Variants in CXorf58 observed in about 807,000 individuals in gnomAD.
The protein encoded by CXorf58 is chromosome X open reading frame 58.
In CXorf58, 24 loss-of-function variants were observed where a neutral mutation model predicts 26.0. The ratio of observed to expected loss-of-function variants is 0.92; its 90% confidence interval spans 0.67 to 1.30. The LOEUF (loss-of-function observed/expected upper bound fraction) is 1.30. CXorf58 is among the 50% of genes most tolerant of loss of function. CXorf58 has a pLI of 0.00. For synonymous variants in CXorf58, 87 were observed against 86.1 expected, an observed-to-expected ratio of 1.01 and a Z score of -0.06; for missense variants, 236 against 263.9, an observed-to-expected ratio of 0.89 and a Z score of 0.73.
chrX:23,912,722 C>T (rs1927616278), intron 3 of CXorf58, among the ~76,000 whole-genome samples: 1 of 111,315 alleles, frequency 9.0e-6, no homozygotes, highest in African/African-American at 3.3e-5. Context: ...CCAGCCTGGG[C>T]GACAGTGAGA....
intron 7 of CXorf58, among the ~76,000 whole-genome samples, chrX:23,938,233 G>T (rs1450578201): frequency 1.8e-5 from 2 of 111,399 alleles, no homozygotes; most frequent in Non-Finnish European, 3.8e-5. Context: ...AAAAAAATAA[G>T]ATTCAAATGG....
At chrX:23,921,685 TTTGTTG>T (rs1158633856) in intron 5 of CXorf58, among the ~76,000 whole-genome samples, 3 of 111,218 alleles carry the variant, frequency 2.7e-5, no homozygotes, top group Admixed American at 9.7e-5. Flanking sequence ...GTTTTTGTTT[TTTGTTG>T]TTGTTGTTGT....
chrX:23,930,433 G>A (rs938064764), intron 6 of CXorf58, among the ~76,000 whole-genome samples: 2 of 107,572 alleles, frequency 1.9e-5, no homozygotes, highest in Middle Eastern at 9.5e-3. Context: ...TTTGAGACCA[G>A]CCTGGGCAAT....
chrX:23,920,350 C>T (rs1490257283), intron 5 of CXorf58, among the ~76,000 whole-genome samples: 1 of 112,345 alleles, frequency 8.9e-6, no homozygotes, highest in Non-Finnish European at 1.9e-5. Context: ...TTATAAACCA[C>T]ATATCAAAGG....
chrX:23,910,779 T>TTTTTTTG (rs1927556876), intron 2 of CXorf58, among the ~76,000 whole-genome samples: 1 of 96,829 alleles, frequency 1.0e-5, no homozygotes, highest in Non-Finnish European at 2.1e-5. Context: ...TTTTTTTTTT[T>TTTTTTTG]TTTTCAGACA....
Position 23,911,939 on chromosome X carries a change from C to T in CXorf58, c.216+83C>T, listed in dbSNP as rs1430871949. ...ATTAATTAAAGATCGAATAGATAAC[C>T]TTCTTTATCTCCTCTTTTTTTTTTT... On this transcript the variant is annotated intron_variant, in intron 3 of 8. Transcript: ENST00000379211. 4.6e-6 allele frequency: 3 copies of T among 646,651 alleles called. No individual in the cohort carries two copies. In the African/African-American group the frequency reaches 7.4e-5, roughly 16 times the overall value. The allele number at this position is 646,651 out of a possible 1,213,427, so 53.3% of individuals were successfully genotyped here. A position where few individuals can be genotyped will look rare whatever the true frequency, so the allele number is the denominator to read the frequency against.
chrX:23,914,365 C>T (rs1402261022), intron 3 of CXorf58, among the ~76,000 whole-genome samples: 1 of 111,587 alleles, frequency 9.0e-6, no homozygotes, highest in African/African-American at 3.3e-5. Context: ...GGATTATAGG[C>T]GTGAGCCGCA....
rs1406466482 is a variant in CXorf58 at position 23,935,393 on chromosome X, T to C, written c.753T>C (p.His251=). 11 of 1,206,092 alleles carry C rather than the reference T, an allele frequency of 9.1e-6. No individual in the cohort carries two copies. Among genetic ancestry groups the C allele is most frequent in the Non-Finnish European group, 1.2e-5 (11 of 890,324 alleles). The change falls in exon 7 of 9, where the codon CAT becomes CAC. Residue 251 remains histidine (H), a synonymous_variant. Coordinates refer to ENST00000379211, the MANE Select transcript of CXorf58 (RefSeq NM_152761.3). ...AGAGACCAGTAACGCAAGAGATCCA[T>C]AAGCACCAGCTACGGATTGTTTCTG... ...LLQRPVTQEI[H]KHQLRIVSEI...
chrX:23,912,531 G>A (rs1927610126), intron 3 of CXorf58, among the ~76,000 whole-genome samples: 1 of 110,969 alleles, frequency 9.0e-6, no homozygotes, highest in African/African-American at 3.3e-5. Flanking sequence ...GGCAGGGAGG[G>A]CCAGGAGTTC....
At chrX:23,930,307 A>T (rs1928134995) in intron 6 of CXorf58, among the ~76,000 whole-genome samples, 3 of 109,540 alleles carry the variant, frequency 2.7e-5, no homozygotes, top group Non-Finnish European at 1.9e-5. Flanking sequence ...AAAAATCCAG[A>T]AACGATTCAC....
At chrX:23,925,649 C>T (rs1007136904) in intron 5 of CXorf58, among the ~76,000 whole-genome samples, 2 of 109,736 alleles carry the variant, frequency 1.8e-5, no homozygotes, top group African/African-American at 6.6e-5. Flanking sequence ...TGCCTGGCCT[C>T]AACCACTCTT....
intron 7 of CXorf58, 27 bp downstream of exon 7, chrX:23,935,452 C>T (rs1218515746): frequency 3.0e-6 from 3 of 1,000,656 alleles, no homozygotes; most frequent in Non-Finnish European, 4.2e-6. Context: ...ACTGGGGTTA[C>T]AATACTAGGG....
At chrX:23,934,851 C>A (rs1928253919) in intron 6 of CXorf58, among the ~76,000 whole-genome samples, 1 of 108,418 alleles carries the variant, frequency 9.2e-6, no homozygotes, top group South Asian at 4.0e-4. Context: ...TGTTTTTTTT[C>A]TCTTTTTCTT....
chrX:23,909,440 T>C (rs184921269), intron 1 of CXorf58, among the ~76,000 whole-genome samples: 4 of 112,206 alleles, frequency 3.6e-5, no homozygotes, highest in Non-Finnish European at 5.6e-5. Flanking sequence ...ACTACAAAAA[T>C]ACAGTAGTTA....
At chrX:23,914,966 C>T (rs1224316183) in intron 3 of CXorf58, among the ~76,000 whole-genome samples, 1 of 110,978 alleles carries the variant, frequency 9.0e-6, no homozygotes, top group East Asian at 2.8e-4. Flanking sequence ...AACCCCGTCT[C>T]TACTGAAAAA....
chrX:23,912,186 C>T (rs1412403837), intron 3 of CXorf58, among the ~76,000 whole-genome samples: 1 of 110,720 alleles, frequency 9.0e-6, no homozygotes, highest in Non-Finnish European at 1.9e-5. Flanking sequence ...CTCCTGACCT[C>T]GTGATCTGCC....
intron 6 of CXorf58, among the ~76,000 whole-genome samples, chrX:23,930,472 AC>A (rs1260473438): frequency 2.8e-5 from 3 of 106,869 alleles, no homozygotes; most frequent in African/African-American, 1.0e-4. Context: ...TACAAAAATT[AC>A]CCCCCACCCC....
At chrX:23,909,612 T>C (rs1927516710) in intron 1 of CXorf58, among the ~76,000 whole-genome samples, 1 of 111,797 alleles carries the variant, frequency 8.9e-6, no homozygotes, top group African/African-American at 3.3e-5. Context: ...TAGGGGTCCA[T>C]GGCACCAAAA....
At chrX:23,913,307 A>G (rs868496589) in intron 3 of CXorf58, among the ~76,000 whole-genome samples, 3 of 109,553 alleles carry the variant, frequency 2.7e-5, no homozygotes, top group Non-Finnish European at 5.7e-5. Context: ...CCGCCTCCCT[A>G]GTAGCTGGGA....
Sources: allele counts gnomAD v4.1 joint callset (sites outside exome capture counted in the v4.1 genomes callset), GRCh38; gene constraint gnomAD v4.1.1; transcripts MANE v1.5; gene names NCBI Gene and HGNC (gene_info 2026-07-23, HGNC 2026-07-21).